The following RGS12 variants were observed in gnomAD, a reference collection of about 807,000 sequenced individuals.
The protein encoded by RGS12 is regulator of G-protein signaling 12.
In RGS12, 66 loss-of-function variants were observed where a neutral mutation model predicts 120.1. The ratio of observed to expected loss-of-function variants is 0.55; its 90% CI spans 0.45 to 0.67. The LOEUF (loss-of-function observed/expected upper bound fraction) is 0.67. Among genes scored for constraint, RGS12 ranks in the 30% least tolerant of loss-of-function variants. The pLI, the probability that RGS12 is intolerant of heterozygous loss-of-function variation, is 0.00. For missense variants in RGS12, 1,859 were observed against 1,957.7 expected (o/e 0.95, Z 0.95); for synonymous variants, 827 against 804.7 (o/e 1.03, Z -0.47).
At position 3,430,925 on chromosome 4, in the gene RGS12, C is replaced by T. The variant is rs746618379; in HGVS notation, c.4084C>T (p.Pro1362Ser). 3 of 1,612,810 alleles carry T rather than the reference C, an allele frequency of 1.9e-6. No homozygotes were observed. The highest frequency in any genetic ancestry group is 2.5e-6 in the Non-Finnish European group (3 of 1,179,974). ...NSTLLPPPST[P>S]QEVPGPSRPG... is the part of the protein sequence containing the mutation. ...CACCTTGCTGCCGCCGCCCTCCACC[C>T]CCCAGGAAGTGCCAGGACCTTCCAG... Residue 1362 changes from proline (P) to serine (S), a missense_variant, in exon 17 of 18, where the codon CCC becomes TCC. Transcript: ENST00000336727.
intron 3 of RGS12, among the ~76,000 whole-genome samples, chr4:3,379,937 G>C (rs898652452): frequency 6.6e-6 from 1 of 152,156 alleles, no homozygotes; most frequent in South Asian, 2.1e-4. Flanking sequence ...ACACAATCAT[G>C]CCCTTCCAAC....
At chr4:3,369,399 C>A (rs2108882782) in intron 3 of RGS12, among the ~76,000 whole-genome samples, 1 of 152,346 alleles carries the variant, frequency 6.6e-6, no homozygotes, top group South Asian at 2.1e-4. Flanking sequence ...GGCACAGTTC[C>A]TTCCCAGCTG....
chr4:3,319,571 A>G (rs568914205), intron 2 of RGS12, among the ~76,000 whole-genome samples: 2 of 152,198 alleles, frequency 1.3e-5, no homozygotes, highest in South Asian at 4.2e-4. Flanking sequence ...GGGACTACTG[A>G]GTAGCTGGGA....
At chr4:3,322,157 T>G (rs1420651580) in intron 2 of RGS12, among the ~76,000 whole-genome samples, 1 of 152,188 alleles carries the variant, frequency 6.6e-6, no homozygotes, top group Non-Finnish European at 1.5e-5. Context: ...CCCTTGTTGC[T>G]CGGCATTTCT....
chr4:3,368,420 G>A (rs556716723), intron 3 of RGS12, among the ~76,000 whole-genome samples: 63 of 138,138 alleles, frequency 4.6e-4, no homozygotes, highest in African/African-American at 1.6e-3. Flanking sequence ...GTGTGTGAGT[G>A]CCTGTGTGTG....
intron 14 of RGS12, 86 bp downstream of exon 14, chr4:3,425,646 GGT>G (rs1723540895): frequency 1.1e-6 from 1 of 881,948 alleles, no homozygotes; most frequent in Non-Finnish European, 1.7e-6. Flanking sequence ...CAGGGGAGGG[GGT>G]GAGTGGGGCC....
At position 3,422,356 on chromosome 4, in the gene RGS12, C is replaced by T; in HGVS notation, c.2839-20C>T. On this transcript the variant is annotated intron_variant, in intron 10 of 17. Transcript: ENST00000336727. ...TGTGACGCTGGTTCCCTCACGGCTG[C>T]TTGTCTCGCTGCTCCCCAGTCGGAG... 1 of 1,601,388 alleles carries T rather than the reference C, an allele frequency of 6.2e-7. No homozygotes were observed. Among genetic ancestry groups the T allele is most frequent in the Non-Finnish European group, 8.5e-7 (1 of 1,173,748 alleles).
intron 2 of RGS12, among the ~76,000 whole-genome samples, chr4:3,322,772 G>T (rs997413938): frequency 1.3e-5 from 2 of 152,134 alleles, no homozygotes; most frequent in Admixed American, 1.3e-4. Context: ...TTAATTTCTG[G>T]TATGAGAAAC....
intron 3 of RGS12, among the ~76,000 whole-genome samples, chr4:3,362,910 C>A (rs1221445018): frequency 2.8e-5 from 4 of 141,270 alleles, no homozygotes; most frequent in Non-Finnish European, 6.1e-5. Context: ...TGTGAGTGTG[C>A]ATGGCAAGGC....
chr4:3,413,845 C>T, intron 4 of RGS12: 1 of 530,040 alleles, frequency 1.9e-6, no homozygotes, highest in South Asian at 3.0e-5. Flanking sequence ...CGTGCACACA[C>T]ATGTGCAGCC....
At chr4:3,337,495 C>G (rs905718091) in intron 2 of RGS12, among the ~76,000 whole-genome samples, 1 of 152,222 alleles carries the variant, frequency 6.6e-6, no homozygotes, top group African/African-American at 2.4e-5. Context: ...GACGGATAAA[C>G]ACAGTGTGGT....
At chr4:3,420,756 G>A in intron 10 of RGS12, 38 bp downstream of exon 10, 1 of 1,554,552 alleles carries the variant, frequency 6.4e-7, no homozygotes, top group Non-Finnish European at 8.8e-7. Context: ...AGGCCTCAGG[G>A]GTGTCCCCAC....
At chr4:3,377,135 C>A (rs1578866944) in intron 3 of RGS12, among the ~76,000 whole-genome samples, 1 of 152,034 alleles carries the variant, frequency 6.6e-6, no homozygotes, top group African/African-American at 2.4e-5. Flanking sequence ...TCCCTCTGTG[C>A]AGGAGCCATC....
intron 1 of RGS12, among the ~76,000 whole-genome samples, chr4:3,305,513 G>A (rs1723924466): frequency 6.6e-6 from 1 of 152,210 alleles, no homozygotes; most frequent in Non-Finnish European, 1.5e-5. Flanking sequence ...ACGGTACCCC[G>A]GTCTATTGAC....
intron 3 of RGS12, among the ~76,000 whole-genome samples, chr4:3,371,705 G>C (rs1043469165): frequency 5.9e-5 from 9 of 152,284 alleles, no homozygotes; most frequent in African/African-American, 1.9e-4. Flanking sequence ...TGCCTGGCTG[G>C]GTCCTGGCCA....
At chr4:3,363,778 A>G (rs558252640) in intron 3 of RGS12, among the ~76,000 whole-genome samples, 77 of 152,142 alleles carry the variant, frequency 5.1e-4, no homozygotes, top group African/African-American at 1.7e-3. Flanking sequence ...GGGTCACCAG[A>G]GTGAAGGGAG....
the RGS12 span, among the ~76,000 whole-genome samples, chr4:3,286,738 G>A: frequency 1.3e-5 from 2 of 152,330 alleles, no homozygotes; most frequent in East Asian, 1.9e-4. Context: ...CAGCGGGAAC[G>A]TGTTCCCAGC....
chr4:3,364,836 C>T (rs1438243590), intron 3 of RGS12, among the ~76,000 whole-genome samples: 2 of 152,076 alleles, frequency 1.3e-5, no homozygotes, highest in Non-Finnish European at 2.9e-5. Context: ...TTGGCGGTCG[C>T]TGCCTGGGAG....
In RGS12 at chr4:3,316,244, T is replaced by G. The variant is rs1578709731; in HGVS notation, c.74T>G (p.Val25Gly). 1 of 1,613,024 alleles carries G rather than the reference T, an allele frequency of 6.2e-7. No individual in the cohort carries two copies. The highest frequency in any genetic ancestry group is 8.5e-7 in the Non-Finnish European group (1 of 1,179,442). ...PSPPRVRSVEVARGRAGYGFT... is the reference protein window; with the variant it reads ...PSPPRVRSVEGARGRAGYGFT... ...CCCCCAAGGGTGCGGAGTGTGGAGG[T>G]TGCCCGGGGGAGGGCCGGCTACGGA... Residue 25 changes from valine (V) to glycine (G), a missense_variant, in exon 2 of 18, where the codon GTT (valine) becomes GGT (glycine). This residue lies in a region of RGS12 where 967 missense variants were observed against 994.2 expected (regional missense o/e 0.97). Transcript: ENST00000336727.
Sources: gnomAD v4.1 joint callset for allele counts (sites outside exome capture counted in the v4.1 genomes callset) on GRCh38, gnomAD v4.1.1 for gene constraint, gnomAD v4.1.1 regional missense constraint, MANE v1.5 for transcripts, NCBI Gene and HGNC (gene_info 2026-07-23, HGNC 2026-07-21) for gene names.